SLC9A9: variants seen among roughly 807,000 people sequenced by gnomAD.
SLC9A9 encodes solute carrier family 9 member A9, also known as sodium/hydrogen exchanger 9.
A neutral mutation model predicts 77.8 loss-of-function variants in SLC9A9; 62 were observed. The observed-to-expected ratio is 0.80, with a 90% CI of 0.65 to 0.98. SLC9A9 has a LOEUF of 0.98. SLC9A9 is among the 50% of genes least tolerant of loss of function. The pLI, the probability that SLC9A9 is intolerant of heterozygous loss-of-function variation, is 0.00. For synonymous variants in SLC9A9, 320 were observed against 283.5 expected, an observed-to-expected ratio of 1.13 and a Z score of -1.29; for missense variants, 775 against 774.9, an observed-to-expected ratio of 1.00 and a Z score of 0.00.
chr3:143,437,406 G>A lies in SLC9A9; in HGVS notation c.1469+29631C>T, dbSNP rs141817870. ...GACAGGCTCAGATCCCACAACGGTC[G>A]TCAGTGGACACAGGATGGCTAGAGG... On this transcript the variant is annotated intron_variant, in intron 12 of 15. Transcript: ENST00000316549. 1.3e-3 allele frequency among the ~76,000 whole-genome samples: 201 copies of A among 152,322 alleles called. 1 individual carries two copies. The East Asian group carries it at 0.025, about 19-fold the overall frequency.
At chr3:143,643,987 A>C (rs561284823) in intron 6 of SLC9A9, among the ~76,000 whole-genome samples, 1 of 152,096 alleles carries the variant, frequency 6.6e-6, no homozygotes, top group East Asian at 1.9e-4. Flanking sequence ...AAAAAAAAAA[A>C]AGTAAGCCTG....
At chr3:143,338,199 G>C (rs1386247819) in intron 14 of SLC9A9, among the ~76,000 whole-genome samples, 1 of 152,198 alleles carries the variant, frequency 6.6e-6, no homozygotes, top group Non-Finnish European at 1.5e-5. Context: ...CAATGTCAAA[G>C]TGTTATGGCC....
intron 14 of SLC9A9, among the ~76,000 whole-genome samples, chr3:143,357,153 G>T (rs2032615860): frequency 6.6e-6 from 1 of 151,878 alleles, no homozygotes; most frequent in Non-Finnish European, 1.5e-5. Context: ...TTGAAATTTT[G>T]TTGCTTTCTG....
At chr3:143,280,333 G>C (rs1261809753) in intron 14 of SLC9A9, among the ~76,000 whole-genome samples, 2 of 152,138 alleles carry the variant, frequency 1.3e-5, no homozygotes, top group Non-Finnish European at 2.9e-5. Context: ...ACGAATCCAG[G>C]TATGTAACAC....
intron 7 of SLC9A9, among the ~76,000 whole-genome samples, chr3:143,576,975 T>C (rs1018696001): frequency 6.6e-6 from 1 of 152,166 alleles, no homozygotes; most frequent in Non-Finnish European, 1.5e-5. Flanking sequence ...AGCCAGCCAA[T>C]CACTAAGTCT....
rs375659735 is a variant in SLC9A9 at position 143,795,008 on chromosome 3, C to T, written c.526G>A (p.Val176Ile). The T allele has an allele frequency of 1.9e-6, 3 of 1,613,612 alleles. No homozygotes were observed. The highest frequency in any genetic ancestry group is 1.3e-5 in the African/African-American group (1 of 74,818). The change falls in exon 4 of 16, where the codon GTC becomes ATC. Residue 176 changes from valine (V) to isoleucine (I), a missense_variant. Transcript: ENST00000316549. ...AFLGTAISCI[V>I]IGLIMYGFVK... is the part of the protein sequence containing the mutation. ...GCTCCGAATGTCACTTACCCTATGA[C>T]GATGCAGGAGATGGCAGTTCCCAAG...
intron 5 of SLC9A9, among the ~76,000 whole-genome samples, chr3:143,663,603 A>C (rs113301755): frequency 0.044 from 6,691 of 152,292 alleles, 458 homozygotes; most frequent in African/African-American, 0.15. Flanking sequence ...TAGAATAACC[A>C]GTGTAGAGAA....
At chr3:143,731,075 GA>G (rs914514665) in intron 4 of SLC9A9, among the ~76,000 whole-genome samples, 19 of 152,148 alleles carry the variant, frequency 1.2e-4, no homozygotes, top group Admixed American at 1.0e-3. Context: ...TCTCCTCTAG[GA>G]GAGAGAAAAC....
intron 14 of SLC9A9, among the ~76,000 whole-genome samples, chr3:143,309,050 G>C (rs541747028): frequency 2.4e-4 from 37 of 152,278 alleles, no homozygotes; most frequent in African/African-American, 8.7e-4. Context: ...AGGTCTTCAT[G>C]TTCTTTTCAA....
intron 12 of SLC9A9, among the ~76,000 whole-genome samples, chr3:143,442,145 A>G (rs2034752344): frequency 6.6e-6 from 1 of 152,222 alleles, no homozygotes; most frequent in Non-Finnish European, 1.5e-5. Context: ...GTGCCTGCAC[A>G]GTGGAGCTCC....
intron 6 of SLC9A9, among the ~76,000 whole-genome samples, chr3:143,629,394 A>G (rs935174064): frequency 1.3e-5 from 2 of 152,220 alleles, no homozygotes; most frequent in African/African-American, 2.4e-5. Context: ...ATAAATGAGT[A>G]AACAAAATAT....
chr3:143,806,959 G>T (rs2108868509), intron 2 of SLC9A9, among the ~76,000 whole-genome samples: 1 of 152,258 alleles, frequency 6.6e-6, no homozygotes. Context: ...AGCCTCTCTT[G>T]GCTTCATGTT....
intron 4 of SLC9A9, among the ~76,000 whole-genome samples, chr3:143,746,287 C>G (rs1935194967): frequency 6.6e-6 from 1 of 152,132 alleles, no homozygotes; most frequent in South Asian, 2.1e-4. Flanking sequence ...GGAGGAAAGG[C>G]CGGCAGTTCA....
chr3:143,731,913 C>A (rs1934813274), intron 4 of SLC9A9, among the ~76,000 whole-genome samples: 1 of 152,208 alleles, frequency 6.6e-6, no homozygotes, highest in African/African-American at 2.4e-5. Flanking sequence ...AAATTGTGCT[C>A]CAGTGACTCT....
chr3:143,786,742 T>C (rs2008069664), intron 4 of SLC9A9, among the ~76,000 whole-genome samples: 2 of 152,210 alleles, frequency 1.3e-5, no homozygotes, highest in African/African-American at 4.8e-5. Flanking sequence ...ATTTTTCTCT[T>C]TGACACCAGT....
At chr3:143,766,872 C>G (rs1258810773) in intron 4 of SLC9A9, among the ~76,000 whole-genome samples, 2 of 152,180 alleles carry the variant, frequency 1.3e-5, no homozygotes, top group Non-Finnish European at 2.9e-5. Flanking sequence ...CCATGCCCAG[C>G]CTTAGACTGC....
intron 2 of SLC9A9, among the ~76,000 whole-genome samples, chr3:143,799,815 A>G (rs572012304): frequency 6.6e-6 from 1 of 152,312 alleles, no homozygotes; most frequent in East Asian, 1.9e-4. Flanking sequence ...ACCGAGCTTC[A>G]GGTAACTCTC....
chr3:143,419,788 T>C (rs954861077), intron 12 of SLC9A9, among the ~76,000 whole-genome samples: 47 of 152,226 alleles, frequency 3.1e-4, no homozygotes, highest in African/African-American at 1.1e-3. Flanking sequence ...AAAAACAAGA[T>C]ACAAAAAGGG....
At chr3:143,329,272 C>T (rs557317587) in intron 14 of SLC9A9, among the ~76,000 whole-genome samples, 5 of 152,084 alleles carry the variant, frequency 3.3e-5, no homozygotes, top group East Asian at 1.9e-4. Flanking sequence ...GTGGAGGTGG[C>T]GGTAGGGGAG....
Sources: allele counts gnomAD v4.1 joint callset (sites outside exome capture counted in the v4.1 genomes callset), GRCh38; gene constraint gnomAD v4.1.1; transcripts MANE v1.5; gene names NCBI Gene and HGNC (gene_info 2026-07-23, HGNC 2026-07-21).